LHFPL1: variants seen among roughly 807,000 people sequenced by gnomAD.
LHFPL1 encodes LHFPL tetraspan subfamily member 1 protein.
In LHFPL1, 4 loss-of-function variants were observed where a neutral mutation model predicts 12.1. The ratio of observed to expected loss-of-function variants is 0.33; its 90% CI spans 0.16 to 0.76. The LOEUF is 0.76. LHFPL1 is among the 30% of genes least tolerant of loss of function. The pLI is 0.61. For synonymous variants in LHFPL1, 52 were observed against 61.9 expected (o/e 0.84, Z 0.75); for missense variants, 141 against 174.1 (o/e 0.81, Z 1.07).
At chrX:112,665,286 G>T (rs780591869) in intron 2 of LHFPL1, among the ~76,000 whole-genome samples, 40 of 109,577 alleles carry the variant, frequency 3.7e-4, no homozygotes, top group African/African-American at 1.3e-3. Context: ...CGCCTCCCAG[G>T]TTCAAGCGAT....
intron 3 of LHFPL1, among the ~76,000 whole-genome samples, chrX:112,646,725 A>G (rs1423580010): frequency 2.8e-5 from 3 of 107,825 alleles, no homozygotes; most frequent in Non-Finnish European, 3.8e-5. Context: ...TAAAAGATTG[A>G]TGGGGGACTG....
intron 2 of LHFPL1, among the ~76,000 whole-genome samples, chrX:112,667,277 A>C (rs950576636): frequency 2.7e-5 from 3 of 112,053 alleles, no homozygotes; most frequent in African/African-American, 9.7e-5. Flanking sequence ...TTAACAACAA[A>C]AAAATAATGT....
chrX:112,648,489 G>A (rs1383570264), intron 3 of LHFPL1: 2 of 110,516 alleles, frequency 1.8e-5, no homozygotes, highest in Non-Finnish European at 3.8e-5. Flanking sequence ...CAGAACTAAA[G>A]AGTAAAGGAA....
chrX:112,650,421 A>T (rs1160917469), intron 3 of LHFPL1, among the ~76,000 whole-genome samples: 1 of 111,528 alleles, frequency 9.0e-6, no homozygotes. Context: ...CATTTTCCTC[A>T]TCTTACAATA....
chrX:112,651,081 G>A (rs1930840172), intron 3 of LHFPL1, among the ~76,000 whole-genome samples: 1 of 111,886 alleles, frequency 8.9e-6, no homozygotes, highest in Non-Finnish European at 1.9e-5. Flanking sequence ...GCTCTTGTAT[G>A]TATAGTGAGT....
intron 1 of LHFPL1, among the ~76,000 whole-genome samples, chrX:112,671,739 C>T (rs545383756): frequency 3.6e-5 from 4 of 111,854 alleles, no homozygotes; most frequent in East Asian, 2.8e-4. Context: ...TGACATACAT[C>T]GTGGAACAAG....
At chrX:112,635,582 C>T (rs1481914704) in intron 3 of LHFPL1, among the ~76,000 whole-genome samples, 1 of 112,473 alleles carries the variant, frequency 8.9e-6, no homozygotes. Context: ...CTAAAAGCCC[C>T]TTCCAGATCA....
intron 3 of LHFPL1, among the ~76,000 whole-genome samples, chrX:112,660,019 C>T (rs897791239): frequency 8.9e-6 from 1 of 111,957 alleles, no homozygotes; most frequent in Admixed American, 9.4e-5. Context: ...TCTCTTTCAT[C>T]ATGATAGGTG....
chrX:112,640,954 T>G (rs1378832709), intron 3 of LHFPL1, among the ~76,000 whole-genome samples: 2 of 111,844 alleles, frequency 1.8e-5, no homozygotes. Flanking sequence ...ATGTTCAGAA[T>G]ATGCTTTTTG....
intron 3 of LHFPL1, among the ~76,000 whole-genome samples, chrX:112,658,825 T>C (rs1260901453): frequency 8.9e-6 from 1 of 112,016 alleles, no homozygotes; most frequent in African/African-American, 3.2e-5. Context: ...TGTACACAAA[T>C]ATTTATAGAA....
intron 3 of LHFPL1, among the ~76,000 whole-genome samples, chrX:112,645,449 C>T (rs934790293): frequency 2.7e-5 from 3 of 111,227 alleles, no homozygotes; most frequent in African/African-American, 9.9e-5. Context: ...ATGATGATAT[C>T]AGATATCAAC....
At chrX:112,666,488 A>C (rs1343714084) in intron 2 of LHFPL1, among the ~76,000 whole-genome samples, 1 of 111,649 alleles carries the variant, frequency 9.0e-6, no homozygotes, top group Non-Finnish European at 1.9e-5. Context: ...TTCCAGAAAG[A>C]AGCAACACCC....
chrX:112,669,201 A>T (rs140807127), intron 2 of LHFPL1, among the ~76,000 whole-genome samples: 1 of 112,642 alleles, frequency 8.9e-6, no homozygotes, highest in East Asian at 2.8e-4. Flanking sequence ...TATAAATATG[A>T]ATTGCAAGGA....
intron 3 of LHFPL1, among the ~76,000 whole-genome samples, chrX:112,657,909 C>CAAAAAA (rs57793060): frequency 3.3e-5 from 2 of 61,333 alleles, no homozygotes; most frequent in African/African-American, 4.6e-5. Context: ...AAAACAGAAG[C>CAAAAAA]AAAAAAAAAA....
chrX:112,674,160 T>G (rs1426798857), intron 1 of LHFPL1, among the ~76,000 whole-genome samples: 1 of 111,734 alleles, frequency 8.9e-6, no homozygotes, highest in Non-Finnish European at 1.9e-5. Context: ...CAACTGATCT[T>G]CAACAAAGCA....
chrX:112,647,755 A>G (rs576342250), intron 3 of LHFPL1, among the ~76,000 whole-genome samples: 1 of 112,311 alleles, frequency 8.9e-6, no homozygotes, highest in African/African-American at 3.2e-5. Flanking sequence ...CCATTGTGGA[A>G]GACAGTTTGG....
At chrX:112,638,110 T>C (rs754580215) in intron 3 of LHFPL1, among the ~76,000 whole-genome samples, 1 of 111,884 alleles carries the variant, frequency 8.9e-6, no homozygotes, top group Non-Finnish European at 1.9e-5. Flanking sequence ...TAGGAATTAT[T>C]GGAATTAGAA....
At chrX:112,633,115 T>A (rs1930236719) in intron 3 of LHFPL1, among the ~76,000 whole-genome samples, 1 of 112,253 alleles carries the variant, frequency 8.9e-6, no homozygotes, top group African/African-American at 3.2e-5. Flanking sequence ...CACATTTTTT[T>A]ATCTGCCCTT....
chrX:112,650,514 C>T (rs1398339136), intron 3 of LHFPL1, among the ~76,000 whole-genome samples: 2 of 111,638 alleles, frequency 1.8e-5, no homozygotes, highest in Non-Finnish European at 3.8e-5. Flanking sequence ...CTGTCCTCAT[C>T]GAGTTTAATG....
Sources: allele counts gnomAD v4.1 joint callset (sites outside exome capture counted in the v4.1 genomes callset), GRCh38; gene constraint gnomAD v4.1.1; transcripts MANE v1.5; gene names NCBI Gene and HGNC (gene_info 2026-07-23, HGNC 2026-07-21).